Variants in DNAJC17 observed in about 807,000 individuals in gnomAD.
DNAJC17 encodes dnaJ homolog subfamily C member 17.
In DNAJC17, 35 loss-of-function variants were observed where a neutral mutation model predicts 48.1. The ratio of observed to expected loss-of-function variants is 0.73; its 90% confidence interval spans 0.56 to 0.96. The LOEUF (loss-of-function observed/expected upper bound fraction) is 0.96. Ranked by LOEUF, DNAJC17 falls within the 50% of genes least tolerant of loss-of-function variation. The pLI, the probability that DNAJC17 is intolerant of heterozygous loss-of-function variation, is 0.00. For synonymous variants in DNAJC17, 117 were observed against 142.7 expected (o/e 0.82, Z 1.28); for missense variants, 355 against 377.1 (o/e 0.94, Z 0.48).
chr15:40,779,884 G>T (rs1431060621), intron 2 of DNAJC17, 44 bp downstream of exon 2: 1 of 1,589,370 alleles, frequency 6.3e-7, no homozygotes, highest in African/African-American at 1.3e-5. Flanking sequence ...ACAATGCCCG[G>T]GTGAGTGGGT....
intron 6 of DNAJC17, 83 bp from the exon 7 acceptor site, chr15:40,775,679 G>A (rs1596077436): frequency 2.8e-6 from 4 of 1,446,884 alleles, no homozygotes; most frequent in South Asian, 1.2e-5. Flanking sequence ...AGAGCAAGAA[G>A]GGTCTGGAAA....
At chr15:40,773,123 G>A (rs1279230209) in intron 10 of DNAJC17, among the ~76,000 whole-genome samples, 1 of 152,130 alleles carries the variant, frequency 6.6e-6, no homozygotes, top group African/African-American at 2.4e-5. Context: ...ATCATGCCCA[G>A]CTGATTTTTG....
intron 1 of DNAJC17, among the ~76,000 whole-genome samples, chr15:40,789,903 CAAAAAAAAAAA>C (rs71428311): frequency 3.5e-4 from 7 of 20,014 alleles, no homozygotes; most frequent in East Asian, 1.3e-3. Flanking sequence ...CAGACTGTCT[CAAAAAAAAAAA>C]AAAAAAAAAA....
At chr15:40,805,287 A>G (rs1405762268) in intron 1 of DNAJC17, among the ~76,000 whole-genome samples, 1 of 150,788 alleles carries the variant, frequency 6.6e-6, no homozygotes, top group Non-Finnish European at 1.5e-5. Context: ...GAGGCAGGAG[A>G]ATCACTTGAA....
intron 1 of DNAJC17, among the ~76,000 whole-genome samples, chr15:40,798,299 C>A (rs1342486211): frequency 2.0e-5 from 3 of 151,988 alleles, no homozygotes; most frequent in Non-Finnish European, 2.9e-5. Context: ...TAGTCAAATT[C>A]ATATAGAGAA....
At chr15:40,768,613 C>T (rs927461980) in intron 10 of DNAJC17, among the ~76,000 whole-genome samples, 2 of 152,200 alleles carry the variant, frequency 1.3e-5, no homozygotes, top group African/African-American at 4.8e-5. Flanking sequence ...AAAAGGCAAG[C>T]ATGAGGCCAG....
At chr15:40,800,135 C>G (rs995389834) in intron 1 of DNAJC17, among the ~76,000 whole-genome samples, 2 of 152,072 alleles carry the variant, frequency 1.3e-5, no homozygotes, top group African/African-American at 2.4e-5. Flanking sequence ...TGCAGTGGCA[C>G]GATTTCGGCT....
chr15:40,792,829 T>C (rs1197493319), intron 1 of DNAJC17, among the ~76,000 whole-genome samples: 1 of 151,926 alleles, frequency 6.6e-6, no homozygotes, highest in Non-Finnish European at 1.5e-5. Flanking sequence ...GAAAATTTTG[T>C]AACCTCTCTG....
chr15:40,765,385 T>C lies in DNAJC17; in HGVS notation c.*2555A>G, dbSNP rs1317465249. 1.3e-5 allele frequency: 2 copies of C among 152,522 alleles called. No homozygotes were observed. Among genetic ancestry groups the C allele is most frequent in the Non-Finnish European group, 2.9e-5 (2 of 68,292 alleles). 9.4% of individuals were successfully genotyped at this position (152,522 alleles called of 1,614,324 possible). A position where few individuals can be genotyped will look rare whatever the true frequency, so the allele number is the denominator to read the frequency against. Reference sequence around the variant, plus strand: ...CCCTCAGCCCTAGATAACCACTAATTACCTTTCTGTGGTAATGTGATCTGA... The same window carrying C: ...CCCTCAGCCCTAGATAACCACTAATCACCTTTCTGTGGTAATGTGATCTGA... On this transcript the variant is annotated 3_prime_UTR_variant, in exon 11 of 11. Transcript: ENST00000220496.
Position 40,774,393 on chromosome 15 carries a change from C to T in DNAJC17, c.644G>A (p.Gly215Asp), listed in dbSNP as rs1247652018. 56 of 1,613,964 alleles carry T rather than the reference C, an allele frequency of 3.5e-5. No individual in the cohort carries two copies. The highest frequency in any genetic ancestry group is 4.7e-5 in the Non-Finnish European group (55 of 1,180,036). The change falls in exon 9 of 11, where the codon GGC (glycine) becomes GAC (aspartate). Residue 215 changes from glycine to aspartate, a missense_variant. Physicochemically the swap from Gly to Asp is moderately conservative, Grantham distance 94. Coordinates refer to ENST00000220496, the MANE Select transcript of DNAJC17 (RefSeq NM_018163.3). Reference protein sequence around the residue: ...LNLVLSSKKPGTAVVEFATVK... With the variant: ...LNLVLSSKKPDTAVVEFATVK... Reference sequence around the variant, plus strand: ...GGTTGCAAACTCCACCACAGCAGTGCCTGGCTTCTTACTGGAAAGCACCAG... The same window carrying T: ...GGTTGCAAACTCCACCACAGCAGTGTCTGGCTTCTTACTGGAAAGCACCAG...
chr15:40,791,936 C>T (rs1217487217), intron 1 of DNAJC17, among the ~76,000 whole-genome samples: 1 of 152,188 alleles, frequency 6.6e-6, no homozygotes, highest in African/African-American at 2.4e-5. Flanking sequence ...CTGGGAAAAG[C>T]CCCCTTTGGA....
intron 1 of DNAJC17, 187 bp downstream of exon 1, chr15:40,807,182 C>T: frequency 7.0e-7 from 1 of 1,426,404 alleles, no homozygotes; most frequent in Non-Finnish European, 9.3e-7. Flanking sequence ...ACCCCGCTTC[C>T]TCTTGAGGCC....
At chr15:40,796,355 G>C (rs1889940133) in intron 1 of DNAJC17, among the ~76,000 whole-genome samples, 1 of 152,138 alleles carries the variant, frequency 6.6e-6, no homozygotes, top group Non-Finnish European at 1.5e-5. Flanking sequence ...AGCAGATAAG[G>C]GTGTGGGGCT....
chr15:40,805,118 C>A lies in DNAJC17; in HGVS notation c.78+2251G>T, dbSNP rs1035223245. ...GCAGGCAGGGCATAGTGGCTCACAC[C>A]TGTAATCCCAGCACTTTGGGAGGCC... On this transcript the variant is annotated intron_variant, in intron 1 of 10. Transcript: ENST00000220496. 2.0e-5 allele frequency among the ~76,000 whole-genome samples: 3 copies of A among 152,252 alleles called. No individual in the cohort carries two copies. In the South Asian group the frequency reaches 6.2e-4, roughly 32 times the overall value.
At chr15:40,792,334 C>T in intron 1 of DNAJC17, 1 of 467,810 alleles carries the variant, frequency 2.1e-6, no homozygotes, top group Non-Finnish European at 2.8e-6. Context: ...TAACCTCCCT[C>T]CCAGAAAATG....
At chr15:40,796,218 G>C (rs1204045449) in intron 1 of DNAJC17, among the ~76,000 whole-genome samples, 1 of 152,194 alleles carries the variant, frequency 6.6e-6, no homozygotes, top group East Asian at 1.9e-4. Context: ...CTAGGTGCTG[G>C]AGACATAGTA....
rs1566816624 is a variant in DNAJC17 at position 40,765,972 on chromosome 15, C to G, written c.*1968G>C. 2 of 904,660 alleles carry G rather than the reference C, an allele frequency of 2.2e-6. No homozygotes were observed. The highest frequency in any genetic ancestry group is 3.4e-6 in the Non-Finnish European group (2 of 586,042). 56.0% of individuals were successfully genotyped at this position (904,660 alleles called of 1,614,324 possible). On this transcript the variant is annotated 3_prime_UTR_variant, in exon 11 of 11. Coordinates refer to ENST00000220496, the MANE Select transcript of DNAJC17 (RefSeq NM_018163.3). ...CTCTCCCTGCCAGCCCCTAGACCTGCCTCTGCTCCCTTTATACAACCTCCA... is the reference window on the plus strand; with the variant it reads ...CTCTCCCTGCCAGCCCCTAGACCTGGCTCTGCTCCCTTTATACAACCTCCA...
At chr15:40,780,130 C>A in intron 1 of DNAJC17, 133 bp from the exon 2 acceptor site, 1 of 864,098 alleles carries the variant, frequency 1.2e-6, no homozygotes, top group Non-Finnish European at 1.9e-6. Context: ...TCCTAGCCAC[C>A]AGGGAGACTG....
chr15:40,789,245 T>C (rs1256083065), intron 1 of DNAJC17, among the ~76,000 whole-genome samples: 3 of 152,140 alleles, frequency 2.0e-5, no homozygotes, highest in African/African-American at 4.8e-5. Context: ...CCCCAAATGA[T>C]GGCCCTTGTA....
Sources: allele counts gnomAD v4.1 joint callset (sites outside exome capture counted in the v4.1 genomes callset), GRCh38; gene constraint gnomAD v4.1.1; transcripts MANE v1.5; gene names NCBI Gene and HGNC (gene_info 2026-07-23, HGNC 2026-07-21).